Variants in FAM107A observed in about 807,000 individuals in gnomAD.
The protein encoded by FAM107A is family with sequence similarity 107 member A, also known as actin-associated protein FAM107A.
FAM107A carries 19 observed loss-of-function variants against 13.7 expected under a neutral mutation model. That is an observed-to-expected ratio of 1.38 (90% CI 0.97 to 2.03). FAM107A has a LOEUF of 2.03. Ranked by LOEUF, FAM107A falls within the 30% of genes most tolerant of loss-of-function variation. The probability of loss-of-function intolerance (pLI) is 0.00; values close to 1 mark genes in which losing one functional copy is unlikely to be tolerated. For missense variants in FAM107A, 203 were observed against 184.4 expected, an observed-to-expected ratio of 1.10 and a Z score of -0.58; for synonymous variants, 82 against 74.5, an observed-to-expected ratio of 1.10 and a Z score of -0.52.
intron 1 of FAM107A, among the ~76,000 whole-genome samples, chr3:58,610,971 C>G (rs2065848441): frequency 6.6e-6 from 1 of 152,218 alleles, no homozygotes; most frequent in Non-Finnish European, 1.5e-5. Flanking sequence ...TTGATTGGAT[C>G]ATGGGGGCTG....
At chr3:58,568,032 G>A (rs1577018311) in intron 2 of FAM107A, among the ~76,000 whole-genome samples, 1 of 152,232 alleles carries the variant, frequency 6.6e-6, no homozygotes, top group Non-Finnish European at 1.5e-5. Flanking sequence ...GAACTCCTGG[G>A]ATCAAGTGAT....
At chr3:58,618,237 T>C (rs2065921879) in intron 1 of FAM107A, among the ~76,000 whole-genome samples, 1 of 152,204 alleles carries the variant, frequency 6.6e-6, no homozygotes, top group South Asian at 2.1e-4. Context: ...ATCTGAACAC[T>C]AGCCTGCTTT....
chr3:58,608,530 C>T (rs1026175891), intron 1 of FAM107A, among the ~76,000 whole-genome samples: 15 of 152,204 alleles, frequency 9.9e-5, no homozygotes, highest in African/African-American at 3.4e-4. Context: ...CTGGACCAAA[C>T]CTGCAAGGTG....
chr3:58,567,543 G>A (rs1342623802), intron 2 of FAM107A, among the ~76,000 whole-genome samples, 179 bp from the exon 3 acceptor site: 1 of 152,200 alleles, frequency 6.6e-6, no homozygotes, highest in Non-Finnish European at 1.5e-5. Flanking sequence ...GGCTCCTAGG[G>A]CTGAAGATAC....
intron 1 of FAM107A, among the ~76,000 whole-genome samples, chr3:58,623,224 T>C (rs779881920): frequency 6.6e-6 from 1 of 152,254 alleles, no homozygotes; most frequent in Non-Finnish European, 1.5e-5. Flanking sequence ...TTCTATTTTT[T>C]TCCCCTTTTG....
rs1295055465 is a variant in FAM107A, at chr3:58,613,965, G to T, written c.-70+13451C>A. ...CTGGGAAGTGCCAGTGGGCTGGACC[G>T]GATCAGCATCAGTCACTAGGGGAAG... On this transcript the variant is annotated intron_variant, in intron 1 of 3. Coordinates refer to the FAM107A transcript ENST00000465970. The surrounding 1 kb of genome is among the most constrained non-coding windows in gnomAD (Gnocchi z 4.6). Among the ~76,000 whole-genome samples the T allele has an allele frequency of 6.6e-6, 1 of 152,210 alleles. No individual in the cohort carries two copies. The highest frequency in any genetic ancestry group is 2.4e-5 in the African/African-American group (1 of 41,446).
At chr3:58,625,369 A>T (rs2066003668) in intron 1 of FAM107A, among the ~76,000 whole-genome samples, 4 of 152,182 alleles carry the variant, frequency 2.6e-5, no homozygotes, top group Non-Finnish European at 5.9e-5. Flanking sequence ...TTGTGGTTTT[A>T]ACACAAAAAC....
chr3:58,572,926 T>A (rs2063698450), intron 1 of FAM107A: 2 of 152,240 alleles, frequency 1.3e-5, no homozygotes, highest in South Asian at 4.1e-4. Context: ...TCCAAATGCA[T>A]TTTGAACAAG....
upstream of FAM107A, among the ~76,000 whole-genome samples, chr3:58,578,736 G>C (rs543383717): frequency 2.0e-5 from 3 of 152,264 alleles, no homozygotes; most frequent in African/African-American, 7.2e-5. Flanking sequence ...TGTCATCCTA[G>C]TTCCCCAGTG....
chr3:58,623,303 G>T (rs1239223082), intron 1 of FAM107A, among the ~76,000 whole-genome samples: 1 of 152,162 alleles, frequency 6.6e-6, no homozygotes, highest in Admixed American at 6.5e-5. Context: ...TAAACAACAG[G>T]GTCAGAGGAC....
chr3:58,613,479 A>T lies in FAM107A; in HGVS notation c.-70+13937T>A, dbSNP rs575659070. On this transcript the variant is annotated intron_variant, in intron 1 of 3. Coordinates refer to the FAM107A transcript ENST00000465970. The surrounding 1 kb of genome is among the most constrained non-coding windows in gnomAD (Gnocchi z 4.6). ...CTCTCTCTTACAGTACTCACCCCTC[A>T]TCCTGCCCTGCCCAGCCCCTGCCTG... 6.6e-6 allele frequency among the ~76,000 whole-genome samples: 1 copy of T among 152,058 alleles called. No homozygotes were observed. Among genetic ancestry groups the T allele is most frequent in the East Asian group, 1.9e-4 (1 of 5,156 alleles).
chr3:58,606,378 G>T (rs763540900), intron 1 of FAM107A, among the ~76,000 whole-genome samples: 222 of 152,318 alleles, frequency 1.5e-3, no homozygotes, highest in Non-Finnish European at 2.6e-3. Flanking sequence ...TTACAGGTGT[G>T]AGCCACCATG....
intron 1 of FAM107A, among the ~76,000 whole-genome samples, chr3:58,576,088 A>C (rs758470038): frequency 6.6e-6 from 1 of 152,204 alleles, no homozygotes; most frequent in African/African-American, 2.4e-5. Flanking sequence ...TTTCCTCTCC[A>C]TGGGGAAAGT....
At chr3:58,598,031 G>A (rs1048637625) in intron 1 of FAM107A, among the ~76,000 whole-genome samples, 1 of 152,182 alleles carries the variant, frequency 6.6e-6, no homozygotes, top group Non-Finnish European at 1.5e-5. Context: ...TATTCTTAAA[G>A]GTTGAATATA....
At chr3:58,625,237 C>T (rs533491532) in intron 1 of FAM107A, among the ~76,000 whole-genome samples, 48 of 152,224 alleles carry the variant, frequency 3.2e-4, no homozygotes, top group Non-Finnish European at 5.7e-4. Flanking sequence ...GATGGGAGGT[C>T]GCACGTGCCC....
intron 1 of FAM107A, among the ~76,000 whole-genome samples, chr3:58,600,809 G>A (rs2065746839): frequency 1.3e-5 from 2 of 152,132 alleles, no homozygotes; most frequent in Non-Finnish European, 2.9e-5. Context: ...CAGGCAAAGA[G>A]AACAGAGCTG....
At chr3:58,587,121 G>A, upstream of FAM107A, 6 of 1,371,534 alleles carry the variant, frequency 4.4e-6, no homozygotes, top group Non-Finnish European at 5.6e-6. Context: ...GAAGGAGGGG[G>A]GCAGGGGCCA....
At chr3:58,623,712 T>C (rs2065980876) in intron 1 of FAM107A, among the ~76,000 whole-genome samples, 1 of 152,176 alleles carries the variant, frequency 6.6e-6, no homozygotes. Context: ...GGTCAAATGT[T>C]AACTCCACCC....
rs1225970846 is a variant in FAM107A, at chr3:58,569,855, G to C, written c.6C>G (p.Tyr2Ter). The C allele has an allele frequency of 1.2e-6, 2 of 1,613,918 alleles. No individual in the cohort carries two copies. Among genetic ancestry groups the C allele is most frequent in the Non-Finnish European group, 1.7e-6 (2 of 1,179,926 alleles). The change falls in exon 2 of 4, where the codon TAC (tyrosine) becomes TAG (stop). Residue 2 changes from tyrosine (Y) to a stop codon, truncating the protein, a stop_gained. Transcript: ENST00000360997. LOFTEE classifies it high-confidence loss of function. The surrounding 1 kb of genome is among the most constrained non-coding windows in gnomAD (Gnocchi z 5.7). ...CTGCCCGCTCCCTCTGGATCTCCGA[G>C]TACATGGCGGCTGTAGAGATGGGCA... The part of the protein sequence containing the change: M[Y>*]SEIQRERADI...
Sources: gnomAD v4.1 joint callset for allele counts (sites outside exome capture counted in the v4.1 genomes callset) on GRCh38, gnomAD v4.1.1 for gene constraint, Gnocchi (gnomAD v3.1) non-coding constraint, MANE v1.5 for transcripts, NCBI Gene and HGNC (gene_info 2026-07-23, HGNC 2026-07-21) for gene names.